WIPF3: variants seen among roughly 807,000 people sequenced by gnomAD.
WIPF3 encodes the protein WAS/WASL-interacting protein family member 3.
A neutral mutation model predicts 38.9 loss-of-function variants in WIPF3; 33 were observed. That is an observed-to-expected ratio of 0.85 (90% CI 0.64 to 1.14). WIPF3 has a LOEUF of 1.14. Among genes scored for constraint, WIPF3 ranks in the 50% most tolerant of loss-of-function variants. WIPF3 has a pLI of 0.00. For missense variants in WIPF3, 711 were observed against 652.5 expected, an observed-to-expected ratio of 1.09 and a Z score of -0.98; for synonymous variants, 324 against 269.3, an observed-to-expected ratio of 1.20 and a Z score of -1.99.
At chr7:29,837,640 A>G (rs962233224) in intron 2 of WIPF3, among the ~76,000 whole-genome samples, 1 of 152,110 alleles carries the variant, frequency 6.6e-6, no homozygotes, top group Admixed American at 6.5e-5. Flanking sequence ...AAATTTTAAT[A>G]TTTTCTTAAA....
chr7:29,900,676 A>G (rs967502526), intron 7 of WIPF3, among the ~76,000 whole-genome samples: 12 of 152,366 alleles, frequency 7.9e-5, no homozygotes, highest in African/African-American at 2.9e-4. Flanking sequence ...GATGATGAGA[A>G]GCCTCCAATG....
At chr7:29,826,759 T>C (rs1704660181) in intron 1 of WIPF3, among the ~76,000 whole-genome samples, 1 of 152,174 alleles carries the variant, frequency 6.6e-6, no homozygotes, top group South Asian at 2.1e-4. Flanking sequence ...TTATAGTAAA[T>C]GTTAAATAAA....
At chr7:29,819,170 T>C (rs143483029) in intron 1 of WIPF3, among the ~76,000 whole-genome samples, 1 of 152,258 alleles carries the variant, frequency 6.6e-6, no homozygotes, top group East Asian at 1.9e-4. Context: ...TTCACACTTC[T>C]TGGTGGTGGA....
intron 1 of WIPF3, among the ~76,000 whole-genome samples, chr7:29,809,746 G>A (rs1784341370): frequency 6.6e-6 from 1 of 152,226 alleles, no homozygotes; most frequent in South Asian, 2.1e-4. Flanking sequence ...GGGGAATTGT[G>A]TAGTGAACTG....
chr7:29,911,628 C>A (rs1236491730), intron 8 of WIPF3, among the ~76,000 whole-genome samples: 1 of 152,024 alleles, frequency 6.6e-6, no homozygotes, highest in Non-Finnish European at 1.5e-5. Flanking sequence ...GAAATAAACC[C>A]TTGCATGTAT....
In WIPF3 at chr7:29,883,962, C is replaced by G. The variant is rs200470921; in HGVS notation, c.468C>G (p.Ser156=). ...PPASPRLGNT[S]EAHGAARTAP... The stretch of plus-strand genomic sequence containing the variant: ...CCTCTCCCAGGCTAGGCAATACCTC[C>G]GAGGCGCATGGCGCTGCCAGGACAG... Residue 156 remains serine (S), a synonymous_variant, in exon 5 of 9, where the codon TCC becomes TCG. Coordinates refer to ENST00000242140, the MANE Select transcript of WIPF3 (RefSeq NM_001080529.3). The G allele has an allele frequency of 4.5e-6, 7 of 1,553,132 alleles. No homozygotes were observed. In the Admixed American group the frequency reaches 5.8e-5, roughly 13 times the overall value.
chr7:29,881,570 TA>T (rs747378749), intron 4 of WIPF3, among the ~76,000 whole-genome samples: 3 of 152,192 alleles, frequency 2.0e-5, no homozygotes, highest in East Asian at 3.9e-4. Context: ...TGAATATAAA[TA>T]TTTTTTTAAT....
chr7:29,855,686 G>A (rs1276204005), intron 2 of WIPF3, among the ~76,000 whole-genome samples: 1 of 152,180 alleles, frequency 6.6e-6, no homozygotes, highest in Non-Finnish European at 1.5e-5. Context: ...GGGACTTAGT[G>A]TAGGCTGATA....
intron 2 of WIPF3, among the ~76,000 whole-genome samples, chr7:29,852,811 G>A (rs941767445): frequency 1.3e-5 from 2 of 152,230 alleles, no homozygotes; most frequent in East Asian, 1.9e-4. Context: ...GAAAAAGGAA[G>A]GAGTGTGTGT....
chr7:29,845,787 G>A (rs1784990213), intron 2 of WIPF3, among the ~76,000 whole-genome samples: 1 of 152,266 alleles, frequency 6.6e-6, no homozygotes, highest in Non-Finnish European at 1.5e-5. Context: ...CAGAGAGTCT[G>A]TGCCTAGGTC....
chr7:29,830,550 G>A (rs1342632152), intron 1 of WIPF3, among the ~76,000 whole-genome samples: 1 of 151,060 alleles, frequency 6.6e-6, no homozygotes, highest in Non-Finnish European at 1.5e-5. Context: ...AACCCAGGAG[G>A]TGGAGGTTGC....
At chr7:29,861,458 G>T (rs1785273616) in intron 2 of WIPF3, among the ~76,000 whole-genome samples, 1 of 152,182 alleles carries the variant, frequency 6.6e-6, no homozygotes, top group Non-Finnish European at 1.5e-5. Context: ...GGTGGCAGGG[G>T]TACTGCACAG....
At chr7:29,896,195 G>A (rs931447072) in intron 7 of WIPF3, among the ~76,000 whole-genome samples, 2 of 152,208 alleles carry the variant, frequency 1.3e-5, no homozygotes. Flanking sequence ...TATAGTCTCA[G>A]CTGCTGGGGA....
intron 1 of WIPF3, among the ~76,000 whole-genome samples, chr7:29,818,583 A>G (rs1374296936): frequency 6.7e-6 from 1 of 149,696 alleles, no homozygotes; most frequent in Non-Finnish European, 1.5e-5. Context: ...TATAAAATTA[A>G]GATAATTTTT....
Position 29,884,148 on chromosome 7 carries a change from C to T in WIPF3, c.654C>T (p.Pro218=), listed in dbSNP as rs957124467. Residue 218 remains proline, a synonymous_variant, in exon 5 of 9, where the codon CCC becomes CCT. Transcript: ENST00000242140. ...GGAACCTCCCGGTGGTTGCACCCCC[C>T]GTCCCCTGTGCGCCACCACCTCCAC... is the stretch of plus-strand genomic sequence containing the variant. ...TKGNLPVVAP[P]VPCAPPPPPP... The T allele has an allele frequency of 2.6e-6, 4 of 1,532,408 alleles. No homozygotes were observed. The highest frequency in any genetic ancestry group is 2.0e-5 in the Admixed American group (1 of 49,372). 94.9% of individuals were successfully genotyped at this position (1,532,408 alleles called of 1,614,324 possible). A position where few individuals can be genotyped will look rare whatever the true frequency, so the allele number is the denominator to read the frequency against.
chr7:29,889,068 G>C (rs1339670175), intron 6 of WIPF3, among the ~76,000 whole-genome samples: 1 of 152,140 alleles, frequency 6.6e-6, no homozygotes, highest in East Asian at 1.9e-4. Flanking sequence ...GTTCAGGTGG[G>C]TGACAGGGAG....
At chr7:29,840,296 C>G (rs1356666182) in intron 2 of WIPF3, among the ~76,000 whole-genome samples, 1 of 152,222 alleles carries the variant, frequency 6.6e-6, no homozygotes, top group African/African-American at 2.4e-5. Context: ...TGCCCCTGTC[C>G]TGGAGTCTCC....
At position 29,883,881 on chromosome 7, in the gene WIPF3, C is replaced by T; in HGVS notation, c.387C>T (p.Arg129=). The stretch of plus-strand genomic sequence containing the variant: ...AGACAGGGCAGGGCCCTGGCTCCCG[C>T]GCGCCCTCTCCCAGGCTTCCCAACA... ...GGKTGQGPGS[R]APSPRLPNKT... is the part of the protein sequence containing the mutation. Residue 129 remains arginine, a synonymous_variant, in exon 5 of 9, where the codon CGC becomes CGT. Transcript: ENST00000242140. 1.3e-6 allele frequency: 2 copies of T among 1,569,584 alleles called. No homozygotes were observed. The highest frequency in any genetic ancestry group is 2.4e-5 in the South Asian group (2 of 84,172).
chr7:29,856,207 C>G (rs1583605146), intron 2 of WIPF3, among the ~76,000 whole-genome samples: 1 of 152,058 alleles, frequency 6.6e-6, no homozygotes, highest in Non-Finnish European at 1.5e-5. Flanking sequence ...TTGTTCATGC[C>G]TTTGTATTCT....
Sources: allele counts gnomAD v4.1 joint callset (sites outside exome capture counted in the v4.1 genomes callset), GRCh38; gene constraint gnomAD v4.1.1; transcripts MANE v1.5; gene names NCBI Gene and HGNC (gene_info 2026-07-23, HGNC 2026-07-21).